The following SLC12A7 variants were observed in gnomAD, a reference collection of about 807,000 sequenced individuals.
The protein encoded by SLC12A7 is K-Cl cotransporter 4.
In SLC12A7, 100 loss-of-function variants were observed where a neutral mutation model predicts 120.6. That is an observed-to-expected ratio of 0.83 (90% CI 0.71 to 0.98). The LOEUF (loss-of-function observed/expected upper bound fraction) is 0.98. SLC12A7 is among the 50% of genes least tolerant of loss of function. The pLI, the probability that SLC12A7 is intolerant of heterozygous loss-of-function variation, is 0.00. For synonymous variants in SLC12A7, 760 were observed against 678.0 expected, an observed-to-expected ratio of 1.12 and a Z score of -1.88; for missense variants, 1,373 against 1,548.1, an observed-to-expected ratio of 0.89 and a Z score of 1.90.
At chr5:1,110,378 G>A (rs980324907) in intron 1 of SLC12A7, among the ~76,000 whole-genome samples, 21 of 152,238 alleles carry the variant, frequency 1.4e-4, no homozygotes, top group African/African-American at 4.8e-4. Context: ...CGCGGGCAGC[G>A]ACATGGGCAG....
the SLC12A7 span, among the ~76,000 whole-genome samples, chr5:1,128,207 C>T: frequency 2.0e-5 from 3 of 152,222 alleles, no homozygotes; most frequent in African/African-American, 7.2e-5. Flanking sequence ...GTGGTCTCAA[C>T]CTGGCGGGAA....
At chr5:1,152,483 G>A in the SLC12A7 span, among the ~76,000 whole-genome samples, 12 of 152,318 alleles carry the variant, frequency 7.9e-5, no homozygotes, top group South Asian at 4.1e-4. Flanking sequence ...GGCACAGGGC[G>A]AGAGTCCCAA....
chr5:1,139,484 C>A, the SLC12A7 span, among the ~76,000 whole-genome samples: 1 of 152,264 alleles, frequency 6.6e-6, no homozygotes, highest in Non-Finnish European at 1.5e-5. Flanking sequence ...CTGGGCCTTG[C>A]CGGCTTGGCC....
chr5:1,073,970 C>A (rs372457562), intron 16 of SLC12A7, among the ~76,000 whole-genome samples, 169 bp from the exon 17 acceptor site: 28 of 152,018 alleles, frequency 1.8e-4, no homozygotes, highest in African/African-American at 6.3e-4. Flanking sequence ...GATGGGGAAA[C>A]GTGACACACG....
In SLC12A7 at chr5:1,074,977, G is replaced by A. The variant is rs978482796; in HGVS notation, c.1968-306C>T. The stretch of plus-strand genomic sequence containing the variant: ...AGGGAAGTGGCTGGACCCCGGGCAC[G>A]AGGCGGGTGCAGGTGGAGGGAGGGT... On this transcript the variant is annotated intron_variant, in intron 15 of 23. Transcript: ENST00000264930. Among the ~76,000 whole-genome samples, 69 of 152,274 alleles carry A rather than the reference G, an allele frequency of 4.5e-4. 1 individual carries two copies. Among genetic ancestry groups the A allele is most frequent in the African/African-American group, 1.4e-3 (58 of 41,562 alleles).
the SLC12A7 span, among the ~76,000 whole-genome samples, chr5:1,138,166 C>T: frequency 2.0e-5 from 3 of 151,434 alleles, no homozygotes; most frequent in Non-Finnish European, 4.4e-5. Flanking sequence ...GAGTGAGCAG[C>T]AGCAAGATTT....
the SLC12A7 span, among the ~76,000 whole-genome samples, chr5:1,132,021 T>A: frequency 1.3e-5 from 2 of 152,120 alleles, no homozygotes; most frequent in Non-Finnish European, 2.9e-5. Flanking sequence ...GGATTCTCAG[T>A]CACAAGGTGA....
At chr5:1,069,304 C>G (rs1737389304) in intron 17 of SLC12A7, among the ~76,000 whole-genome samples, 1 of 152,248 alleles carries the variant, frequency 6.6e-6, no homozygotes, top group Non-Finnish European at 1.5e-5. Context: ...ATCCACGTGC[C>G]CACAGCCCTC....
At chr5:1,092,728 A>T (rs1043665475) in intron 3 of SLC12A7, among the ~76,000 whole-genome samples, 21 of 150,988 alleles carry the variant, frequency 1.4e-4, no homozygotes, top group Middle Eastern at 3.4e-3. Flanking sequence ...CCGGTGGATT[A>T]TTTTTTTTTG....
rs769009597 is a variant in SLC12A7 at position 1,065,471 on chromosome 5, C to T, written c.2249G>A (p.Arg750Gln). Reference sequence around the variant, plus strand: ...GGTCTTCTCTGTGCTCATTAGGGACCGTATGTTCTGCGGGAGACAGGACAG... The same window carrying T: ...GGTCTTCTCTGTGCTCATTAGGGACTGTATGTTCTGCGGGAGACAGGACAG... ...MEAQRAEENI[R>Q]SLMSTEKTKG... The change falls in exon 18 of 24, where the codon CGG becomes CAG. Residue 750 changes from arginine to glutamine, a missense_variant. Coordinates refer to ENST00000264930, the MANE Select transcript of SLC12A7 (RefSeq NM_006598.3). 1.4e-5 allele frequency: 23 copies of T among 1,586,648 alleles called. No homozygotes were observed. The South Asian group carries it at 2.0e-4, about 14-fold the overall frequency.
intron 1 of SLC12A7, among the ~76,000 whole-genome samples, chr5:1,109,740 C>T (rs1561116394): frequency 6.6e-6 from 1 of 152,250 alleles, no homozygotes; most frequent in East Asian, 1.9e-4. Flanking sequence ...CTCAGGACGC[C>T]CTCTCCACGC....
At chr5:1,128,738 C>T in the SLC12A7 span, among the ~76,000 whole-genome samples, 8 of 152,134 alleles carry the variant, frequency 5.3e-5, no homozygotes, top group East Asian at 1.9e-4. Flanking sequence ...TGTATGTGTG[C>T]GTGTGTGTGT....
chr5:1,058,159 G>A (rs1735823657), intron 21 of SLC12A7, among the ~76,000 whole-genome samples: 1 of 152,210 alleles, frequency 6.6e-6, no homozygotes, highest in African/African-American at 2.4e-5. Flanking sequence ...GGGCACCGCT[G>A]GGGCCAATGA....
chr5:1,056,271 G>T (rs371770251), intron 22 of SLC12A7, among the ~76,000 whole-genome samples: 2 of 152,182 alleles, frequency 1.3e-5, no homozygotes, highest in East Asian at 3.9e-4. Flanking sequence ...CCTGCGAGGC[G>T]CACGCCTCCC....
chr5:1,082,723 C>T (rs1739324162), intron 8 of SLC12A7, among the ~76,000 whole-genome samples: 1 of 147,308 alleles, frequency 6.8e-6, no homozygotes, highest in African/African-American at 2.5e-5. Flanking sequence ...TTCTGGAAAG[C>T]CTGGGCTTCC....
the SLC12A7 span, among the ~76,000 whole-genome samples, chr5:1,118,800 G>A: frequency 6.6e-6 from 1 of 152,234 alleles, no homozygotes; most frequent in African/African-American, 2.4e-5. Context: ...TGCTGGCCCC[G>A]CAGCCTTGCA....
chr5:1,092,094 C>T (rs1327234903), intron 3 of SLC12A7, among the ~76,000 whole-genome samples: 3 of 152,388 alleles, frequency 2.0e-5, no homozygotes, highest in East Asian at 1.9e-4. Flanking sequence ...CGGTCACGTC[C>T]CTCGTCTCCG....
chr5:1,111,924 T>C lies in SLC12A7; in HGVS notation c.68A>G (p.Glu23Gly). The change falls in exon 1 of 24, where the codon GAG becomes GGG. Residue 23 changes from glutamate to glycine, a missense_variant. Coordinates refer to ENST00000264930, the MANE Select transcript of SLC12A7 (RefSeq NM_006598.3). Reference protein sequence around the residue: ...HADGGGDETAERTEAPGTPEG... With the variant: ...HADGGGDETAGRTEAPGTPEG... ...GGGGGTGCCCGGAGCCTCCGTCCGC[T>C]CGGCAGTCTCGTCCCCGCCGCCGTC... 3 of 1,275,934 alleles carry C rather than the reference T, an allele frequency of 2.4e-6. No individual in the cohort carries two copies. The highest frequency in any genetic ancestry group is 3.0e-6 in the Non-Finnish European group (3 of 1,009,526). 79.0% of individuals were successfully genotyped at this position (1,275,934 alleles called of 1,614,324 possible). A position where few individuals can be genotyped will look rare whatever the true frequency, so the allele number is the denominator to read the frequency against.
At chr5:1,080,739 GTT>G (rs1471349167) in intron 9 of SLC12A7, among the ~76,000 whole-genome samples, 8 of 152,226 alleles carry the variant, frequency 5.3e-5, no homozygotes, top group Non-Finnish European at 1.0e-4. Flanking sequence ...AAGGCCCACT[GTT>G]TGAGGAGGAC....
Sources: gnomAD v4.1 joint callset for allele counts (sites outside exome capture counted in the v4.1 genomes callset) on GRCh38, gnomAD v4.1.1 for gene constraint, MANE v1.5 for transcripts, NCBI Gene and HGNC (gene_info 2026-07-23, HGNC 2026-07-21) for gene names.